The following OIP5 variants were observed in gnomAD, a reference collection of about 807,000 sequenced individuals.
The protein encoded by OIP5 is Opa interacting protein 5, also known as protein Mis18-beta.
A neutral mutation model predicts 20.3 loss-of-function variants in OIP5; 24 were observed. That is an observed-to-expected ratio of 1.18 (90% confidence interval 0.86 to 1.66). The LOEUF (loss-of-function observed/expected upper bound fraction) is 1.66. Among genes scored for constraint, OIP5 ranks in the 40% most tolerant of loss-of-function variants. The pLI is 0.00. For synonymous variants in OIP5, 143 were observed against 121.3 expected (o/e 1.18, Z -1.17); for missense variants, 339 against 289.5 (o/e 1.17, Z -1.24).
At chr15:41,310,628 CAAA>C (rs1240547687) in intron 4 of OIP5, among the ~76,000 whole-genome samples, 9 of 60,412 alleles carry the variant, frequency 1.5e-4, no homozygotes, top group Admixed American at 5.5e-4. Flanking sequence ...GACTCCGTCT[CAAA>C]AAAAAAAAAA....
chr15:41,327,241 G>A (rs2047867507), intron 2 of OIP5, among the ~76,000 whole-genome samples: 1 of 151,698 alleles, frequency 6.6e-6, no homozygotes, highest in Non-Finnish European at 1.5e-5. Context: ...GAGTGCAATG[G>A]TGTGATCTCG....
At chr15:41,311,827 A>C (rs1174314121) in intron 4 of OIP5, among the ~76,000 whole-genome samples, 6 of 103,954 alleles carry the variant, frequency 5.8e-5, no homozygotes, top group Admixed American at 9.7e-5. Context: ...CGGCTTCTCA[A>C]AGTGCTGGGA....
intron 2 of OIP5, among the ~76,000 whole-genome samples, chr15:41,330,408 TA>T (rs994333930): frequency 2.1e-5 from 3 of 142,050 alleles, no homozygotes; most frequent in African/African-American, 7.9e-5. Context: ...CCGTAATCAG[TA>T]TTTTTTTTTT....
chr15:41,329,478 C>G (rs997061347), intron 2 of OIP5, among the ~76,000 whole-genome samples: 20 of 151,706 alleles, frequency 1.3e-4, no homozygotes, highest in Admixed American at 1.2e-3. Flanking sequence ...ACCTCGCCCC[C>G]CTAATTTTTG....
intron 3 of OIP5, among the ~76,000 whole-genome samples, chr15:41,316,870 A>T (rs1048231615): frequency 7.9e-5 from 12 of 151,932 alleles, no homozygotes; most frequent in African/African-American, 2.9e-4. Flanking sequence ...TTGAGTTAAG[A>T]CATGCTCAAA....
intron 4 of OIP5, among the ~76,000 whole-genome samples, chr15:41,312,520 C>A (rs1255963916): frequency 6.6e-6 from 1 of 151,910 alleles, no homozygotes; most frequent in Non-Finnish European, 1.5e-5. Context: ...AGTGCAGTGG[C>A]GCAGTCTCGG....
At position 41,309,914 on chromosome 15, in the gene OIP5, G is replaced by A. The variant is rs1414837106; in HGVS notation, c.595-65C>T. Reference sequence around the variant, plus strand: ...TATTTTTACTTATTTTAAGAGACAGGGTCTCACTCTGTTGCCTGAGCTGGA... The same window carrying A: ...TATTTTTACTTATTTTAAGAGACAGAGTCTCACTCTGTTGCCTGAGCTGGA... On this transcript the variant is annotated intron_variant, in intron 4 of 4. Transcript: ENST00000220514. The A allele has an allele frequency of 4.4e-6, 5 of 1,125,644 alleles. No individual in the cohort carries two copies. In the East Asian group the frequency reaches 1.2e-4, roughly 28 times the overall value. The allele number at this position is 1,125,644 out of a possible 1,614,324, so 69.7% of individuals were successfully genotyped here. A position where few individuals can be genotyped will look rare whatever the true frequency, so the allele number is the denominator to read the frequency against.
chr15:41,320,342 GTACT>G (rs1247087704), intron 2 of OIP5, among the ~76,000 whole-genome samples: 1 of 151,418 alleles, frequency 6.6e-6, no homozygotes, highest in African/African-American at 2.4e-5. Context: ...AAGCTGGACT[GTACT>G]GCTGCCATCT....
chr15:41,321,200 T>TGG (rs1421262056), intron 2 of OIP5, among the ~76,000 whole-genome samples: 1 of 133,622 alleles, frequency 7.5e-6, no homozygotes, highest in Non-Finnish European at 1.6e-5. Flanking sequence ...AGGAGGGAGG[T>TGG]GGGGGGGTCA....
intron 3 of OIP5, among the ~76,000 whole-genome samples, chr15:41,316,133 CAAA>C (rs1432065405): frequency 2.8e-5 from 4 of 140,628 alleles, no homozygotes; most frequent in Non-Finnish European, 4.8e-5. Context: ...GACTCCGTCT[CAAA>C]GAAAAAAAAA....
intron 2 of OIP5, among the ~76,000 whole-genome samples, chr15:41,323,985 C>CTTTTTT (rs869073906): frequency 1.9e-5 from 2 of 107,048 alleles, no homozygotes; most frequent in Non-Finnish European, 3.7e-5. Context: ...CCAACCTCTG[C>CTTTTTT]TTTTTTTTTT....
chr15:41,327,550 G>A (rs2047869699), intron 2 of OIP5, among the ~76,000 whole-genome samples: 1 of 150,292 alleles, frequency 6.7e-6, no homozygotes, highest in African/African-American at 2.5e-5. Context: ...AACACTTTGG[G>A]AGGCTGAGGT....
chr15:41,311,671 G>A (rs530720177), intron 4 of OIP5, among the ~76,000 whole-genome samples: 1 of 152,042 alleles, frequency 6.6e-6, no homozygotes, highest in Non-Finnish European at 1.5e-5. Flanking sequence ...AGGTCCAAGC[G>A]ATTCTCCTGC....
chr15:41,320,532 G>A lies in OIP5; in HGVS notation c.390-752C>T, dbSNP rs562190073. On this transcript the variant is annotated intron_variant, in intron 2 of 4. Transcript: ENST00000220514. ...TAACCGCGAGTGATCCACCAGCCTC[G>A]GCCTCCCAGGGTGCCGGGATTGCAG... Among the ~76,000 whole-genome samples, 8 of 152,264 alleles carry A rather than the reference G, an allele frequency of 5.3e-5. No individual in the cohort carries two copies. The East Asian group carries it at 7.7e-4, about 15-fold the overall frequency.
At chr15:41,309,929 C>T in intron 4 of OIP5, 80 bp from the exon 5 acceptor site, 1 of 947,006 alleles carries the variant, frequency 1.1e-6, no homozygotes, top group Non-Finnish European at 1.6e-6. Context: ...CACTCTGTTG[C>T]CTGAGCTGGA....
chr15:41,309,579 T>G lies in OIP5; in HGVS notation c.*175A>C. 1 of 496,316 alleles carries G rather than the reference T, an allele frequency of 2.0e-6. No individual in the cohort carries two copies. The highest frequency in any genetic ancestry group is 3.6e-6 in the Non-Finnish European group (1 of 279,638). The allele number at this position is 496,316 out of a possible 1,614,324, so 30.7% of individuals were successfully genotyped here. A position where few individuals can be genotyped will look rare whatever the true frequency, so the allele number is the denominator to read the frequency against. On this transcript the variant is annotated 3_prime_UTR_variant, in exon 5 of 5. Transcript: ENST00000220514. ...CTATAAAAGAGAAGAATCCTTAGTC[T>G]CTCATCTTCTAAAAACAGCTTCACA...
In OIP5 at chr15:41,329,397, C is replaced by T. The variant is rs573720743; in HGVS notation, c.389+2518G>A. On this transcript the variant is annotated intron_variant, in intron 2 of 4. Transcript: ENST00000220514. ...GTGGTGCGATCTTGGCTCACTGCAA[C>T]CTCTGCTTCCCAGGTTCAAGCCATT... is the stretch of plus-strand genomic sequence containing the variant. Among the ~76,000 whole-genome samples, 13 of 149,846 alleles carry T rather than the reference C, an allele frequency of 8.7e-5. 1 individual carries two copies. In the South Asian group the frequency reaches 2.4e-3, roughly 27 times the overall value.
chr15:41,332,187 G>T, intron 1 of OIP5, 53 bp downstream of exon 1: 1 of 1,511,596 alleles, frequency 6.6e-7, no homozygotes, highest in East Asian at 2.3e-5. Context: ...GAGAAAGCGG[G>T]AACACCCTCT....
chr15:41,332,239 C>A lies in OIP5; in HGVS notation c.322+1G>T, dbSNP rs578201083. 3.2e-6 allele frequency: 5 copies of A among 1,542,400 alleles called. No homozygotes were observed. The highest frequency in any genetic ancestry group is 4.4e-6 in the Non-Finnish European group (5 of 1,147,002). On this transcript the variant is annotated splice_donor_variant, in intron 1 of 4. Coordinates refer to ENST00000220514, the MANE Select transcript of OIP5 (RefSeq NM_007280.2). LOFTEE classifies it high-confidence loss of function. ...TTTCCCGAACGCTTCACTGCACTCA[C>A]TGGAGAAGACCACGGCCCCGAGGGA...
Sources: gnomAD v4.1 joint callset for allele counts (sites outside exome capture counted in the v4.1 genomes callset) on GRCh38, gnomAD v4.1.1 for gene constraint, MANE v1.5 for transcripts, NCBI Gene and HGNC (gene_info 2026-07-23, HGNC 2026-07-21) for gene names.